The following KPNA1 variants were observed in gnomAD, a reference collection of about 807,000 sequenced individuals.
The protein encoded by KPNA1 is karyopherin subunit alpha 1.
A neutral mutation model predicts 70.5 loss-of-function variants in KPNA1; 10 were observed. That is an observed-to-expected ratio of 0.14 (90% CI 0.09 to 0.24). KPNA1 has a LOEUF of 0.24. Ranked by LOEUF, KPNA1 falls within the 10% of genes least tolerant of loss-of-function variation. The pLI, the probability that KPNA1 is intolerant of heterozygous loss-of-function variation, is 1.00. For synonymous variants in KPNA1, 192 were observed against 221.9 expected, an observed-to-expected ratio of 0.87 and a Z score of 1.20; for missense variants, 397 against 637.9, an observed-to-expected ratio of 0.62 and a Z score of 4.07.
In KPNA1 at chr3:122,465,673, G is replaced by A. The variant is rs149817958; in HGVS notation, c.238-1632C>T. Among the ~76,000 whole-genome samples, 356 of 152,310 alleles carry A rather than the reference G, an allele frequency of 2.3e-3. 5 individuals carry two copies. The highest frequency in any genetic ancestry group is 7.7e-3 in the African/African-American group (319 of 41,570). On this transcript the variant is annotated intron_variant, in intron 3 of 13. Transcript: ENST00000344337. ...TCCCAACACTTTGGGAAGCCAAGGC[G>A]GGTGGATCACGAGGTCAGGAGTTCA...
At chr3:122,452,112 C>T (rs1404537596) in intron 6 of KPNA1, 48 bp from the exon 7 acceptor site, 1 of 1,249,156 alleles carries the variant, frequency 8.0e-7, no homozygotes, top group East Asian at 2.3e-5. Flanking sequence ...TTAATTCCCT[C>T]ATAATTCTTT....
intron 1 of KPNA1, among the ~76,000 whole-genome samples, chr3:122,509,488 A>T (rs989863570): frequency 3.3e-5 from 5 of 152,206 alleles, no homozygotes; most frequent in Non-Finnish European, 7.3e-5. Context: ...TAGGGAATGA[A>T]AAGTAAAATG....
intron 10 of KPNA1, among the ~76,000 whole-genome samples, chr3:122,438,094 G>A (rs1337776463): frequency 6.6e-6 from 1 of 152,154 alleles, no homozygotes; most frequent in African/African-American, 2.4e-5. Flanking sequence ...AATCCCCAAG[G>A]TTGGAGGTGG....
rs2075818662 is a variant in KPNA1 at position 122,426,019 on chromosome 3, C to A, written c.*966G>T. The A allele has an allele frequency of 6.6e-6, 1 of 152,522 alleles. No individual in the cohort carries two copies. Among genetic ancestry groups the A allele is most frequent in the Non-Finnish European group, 1.5e-5 (1 of 68,022 alleles). The allele number at this position is 152,522 out of a possible 1,614,324, so 9.4% of individuals were successfully genotyped here. A position where few individuals can be genotyped will look rare whatever the true frequency, so the allele number is the denominator to read the frequency against. ...TTTTTAATGAGGACCTTGATCAGGA[C>A]CACAAAGCCTGAAACATTTATTTTA... On this transcript the variant is annotated 3_prime_UTR_variant, in exon 14 of 14. Transcript: ENST00000344337.
chr3:122,427,805 C>A, intron 12 of KPNA1, 89 bp from the exon 13 acceptor site: 1 of 771,352 alleles, frequency 1.3e-6, no homozygotes, highest in African/African-American at 1.8e-5. Flanking sequence ...AACTTCACTG[C>A]AGAGACTTAA....
At chr3:122,496,341 C>T (rs1175376453) in intron 2 of KPNA1, 96 bp downstream of exon 2, 2 of 1,118,900 alleles carry the variant, frequency 1.8e-6, no homozygotes, top group African/African-American at 3.1e-5. Flanking sequence ...CACACACACA[C>T]ACACACACCC....
intron 11 of KPNA1, among the ~76,000 whole-genome samples, chr3:122,436,902 C>T (rs540865465): frequency 4.6e-5 from 7 of 152,154 alleles, no homozygotes; most frequent in East Asian, 3.9e-4. Context: ...CTCAGCCTCC[C>T]GCGTAGCTGG....
intron 2 of KPNA1, among the ~76,000 whole-genome samples, chr3:122,484,478 C>G (rs1416403791): frequency 6.6e-6 from 1 of 152,052 alleles, no homozygotes; most frequent in Admixed American, 6.6e-5. Context: ...GAAACCTCAT[C>G]TCTACTAAAA....
intron 11 of KPNA1, among the ~76,000 whole-genome samples, chr3:122,435,409 CTATT>C (rs2075971925): frequency 6.6e-6 from 1 of 152,118 alleles, no homozygotes; most frequent in Non-Finnish European, 1.5e-5. Context: ...AACCAAGTAA[CTATT>C]TAAAGAAAAA....
chr3:122,491,083 G>A (rs908910424), intron 2 of KPNA1, among the ~76,000 whole-genome samples: 1 of 152,182 alleles, frequency 6.6e-6, no homozygotes, highest in African/African-American at 2.4e-5. Context: ...ATTCTTCTCT[G>A]TGTGGCTTAG....
In KPNA1 at chr3:122,451,486, CTTT is replaced by C. The variant is rs753722818; in HGVS notation, c.753+45_753+47del. ...TCACCTTACCATTGGTTGCAATACTCTTTTAATTGTATTTTTTCTGCCAATGTC... is the reference window on the plus strand; with the variant it reads ...TCACCTTACCATTGGTTGCAATACTCTAATTGTATTTTTTCTGCCAATGTC... On this transcript the variant is annotated intron_variant, in intron 8 of 13. Transcript: ENST00000344337. The C allele has an allele frequency of 2.6e-5, 27 of 1,045,682 alleles. No individual in the cohort carries two copies. The South Asian group carries it at 3.5e-4, about 14-fold the overall frequency. The allele number at this position is 1,045,682 out of a possible 1,614,324, so 64.8% of individuals were successfully genotyped here.
intron 5 of KPNA1, chr3:122,459,327 C>T: frequency 1.5e-6 from 1 of 666,482 alleles, no homozygotes; most frequent in Non-Finnish European, 1.9e-6. Flanking sequence ...AGAACTACCA[C>T]CTAATAAAAA....
intron 5 of KPNA1, among the ~76,000 whole-genome samples, chr3:122,460,977 T>C (rs2076317668): frequency 6.6e-6 from 1 of 152,034 alleles, no homozygotes; most frequent in African/African-American, 2.4e-5. Context: ...CATTTCCCTA[T>C]TAGAGAAGTA....
chr3:122,475,190 G>A, intron 2 of KPNA1, among the ~76,000 whole-genome samples: 1 of 152,060 alleles, frequency 6.6e-6, no homozygotes. Flanking sequence ...ACAAAAACGT[G>A]TAGCATTTCC....
intron 1 of KPNA1, among the ~76,000 whole-genome samples, chr3:122,502,835 G>C (rs2076844166): frequency 1.3e-5 from 2 of 152,118 alleles, no homozygotes; most frequent in Admixed American, 1.3e-4. Context: ...TTCAAAATCT[G>C]AGTGGGACGC....
At chr3:122,433,994 T>C (rs1249218407) in intron 11 of KPNA1, among the ~76,000 whole-genome samples, 1 of 152,170 alleles carries the variant, frequency 6.6e-6, no homozygotes, top group Non-Finnish European at 1.5e-5. Context: ...TGGAGTGCAG[T>C]GGTGCAATCT....
At chr3:122,444,726 G>A (rs1031615705) in intron 9 of KPNA1, among the ~76,000 whole-genome samples, 8 of 152,184 alleles carry the variant, frequency 5.3e-5, no homozygotes, top group African/African-American at 1.2e-4. Context: ...AATATTTGCT[G>A]TTCTGTGGCC....
At chr3:122,466,735 T>TG (rs1377481944) in intron 3 of KPNA1, among the ~76,000 whole-genome samples, 2 of 152,100 alleles carry the variant, frequency 1.3e-5, no homozygotes, top group Non-Finnish European at 2.9e-5. Context: ...TGGCTTGGTG[T>TG]GATGGCTCAA....
At chr3:122,483,517 G>C (rs533790915) in intron 2 of KPNA1, among the ~76,000 whole-genome samples, 2 of 152,146 alleles carry the variant, frequency 1.3e-5, no homozygotes, top group African/African-American at 4.8e-5. Flanking sequence ...GCTAATTTTT[G>C]TATTTTTAGT....
Sources: allele counts gnomAD v4.1 joint callset (sites outside exome capture counted in the v4.1 genomes callset), GRCh38; gene constraint gnomAD v4.1.1; transcripts MANE v1.5; gene names NCBI Gene and HGNC (gene_info 2026-07-23, HGNC 2026-07-21).